The following PHLPP1 variants were observed in gnomAD, a reference collection of about 807,000 sequenced individuals.
PHLPP1 encodes the protein PH domain leucine-rich repeat-containing protein phosphatase 1.
In PHLPP1, 42 loss-of-function variants were observed where a neutral mutation model predicts 117.2. That is an observed-to-expected ratio of 0.36 (90% confidence interval 0.28 to 0.46). The LOEUF (loss-of-function observed/expected upper bound fraction) is 0.46. PHLPP1 is among the 20% of genes least tolerant of loss of function. The pLI, the probability that PHLPP1 is intolerant of heterozygous loss-of-function variation, is 1.00. For missense variants in PHLPP1, 2,084 were observed against 2,241.9 expected (o/e 0.93, Z 1.42); for synonymous variants, 1,042 against 970.7 (o/e 1.07, Z -1.37).
At chr18:62,941,578 GA>G (rs2144453105) in intron 10 of PHLPP1, 139 bp from the exon 11 acceptor site, 1 of 623,434 alleles carries the variant, frequency 1.6e-6, no homozygotes, top group South Asian at 2.1e-5. Flanking sequence ...CTTGCTAATT[GA>G]ACTCCTTGAA....
At chr18:62,720,060 T>G (rs190565237) in intron 1 of PHLPP1, among the ~76,000 whole-genome samples, 1 of 152,332 alleles carries the variant, frequency 6.6e-6, no homozygotes, top group East Asian at 1.9e-4. Flanking sequence ...ACCATTCTCT[T>G]AGCTGACTTA....
At chr18:62,915,535 G>A (rs1246130674) in intron 9 of PHLPP1, among the ~76,000 whole-genome samples, 1 of 152,084 alleles carries the variant, frequency 6.6e-6, no homozygotes, top group Non-Finnish European at 1.5e-5. Flanking sequence ...TCTTAAATAT[G>A]TTCTTATTTT....
intron 1 of PHLPP1, among the ~76,000 whole-genome samples, chr18:62,757,214 A>G (rs1472011496): frequency 1.3e-5 from 2 of 152,250 alleles, no homozygotes. Context: ...TTATAGAACG[A>G]CTACTGAAAC....
intron 3 of PHLPP1, among the ~76,000 whole-genome samples, chr18:62,858,699 C>T (rs568615215): frequency 2.1e-4 from 32 of 152,132 alleles, no homozygotes; most frequent in Admixed American, 1.2e-3. Context: ...GGGAGGCTGA[C>T]GTGAGAGGAT....
chr18:62,799,225 A>T (rs967487705), intron 1 of PHLPP1, among the ~76,000 whole-genome samples: 7 of 152,192 alleles, frequency 4.6e-5, no homozygotes, highest in African/African-American at 1.7e-4. Context: ...AAAGGATACT[A>T]AAAATAACAT....
At chr18:62,721,299 T>C (rs1910908410) in intron 1 of PHLPP1, among the ~76,000 whole-genome samples, 1 of 152,148 alleles carries the variant, frequency 6.6e-6, no homozygotes, top group Non-Finnish European at 1.5e-5. Context: ...TAAGTTGATA[T>C]GAATTAAAGT....
intron 4 of PHLPP1, among the ~76,000 whole-genome samples, chr18:62,881,953 A>G (rs139859863): frequency 2.4e-4 from 36 of 152,298 alleles, no homozygotes; most frequent in African/African-American, 7.7e-4. Flanking sequence ...CAATGAGCCA[A>G]ATGTTTCTCA....
intron 1 of PHLPP1, among the ~76,000 whole-genome samples, chr18:62,748,358 C>T (rs1470927369): frequency 6.6e-6 from 1 of 152,014 alleles, no homozygotes; most frequent in Non-Finnish European, 1.5e-5. Flanking sequence ...GATCCTCCCA[C>T]CTCAGCCTCC....
intron 1 of PHLPP1, among the ~76,000 whole-genome samples, chr18:62,792,899 G>A (rs984294336): frequency 1.1e-4 from 15 of 140,896 alleles, no homozygotes; most frequent in South Asian, 4.7e-4. Context: ...AAAAGGTCAC[G>A]CACAGTGGCG....
intron 1 of PHLPP1, among the ~76,000 whole-genome samples, chr18:62,805,559 C>T (rs1913926219): frequency 6.6e-6 from 1 of 152,040 alleles, no homozygotes; most frequent in Non-Finnish European, 1.5e-5. Context: ...GAGAGTCTTG[C>T]CATGTTGCTC....
At chr18:62,742,587 C>T (rs193050353) in intron 1 of PHLPP1, among the ~76,000 whole-genome samples, 2 of 152,312 alleles carry the variant, frequency 1.3e-5, no homozygotes, top group African/African-American at 2.4e-5. Context: ...AGGTGCCCAC[C>T]GCCATGCCTG....
intron 13 of PHLPP1, among the ~76,000 whole-genome samples, chr18:62,959,157 G>T (rs146241048): frequency 1.3e-5 from 2 of 152,288 alleles, no homozygotes; most frequent in African/African-American, 4.8e-5. Flanking sequence ...ATTGATAAAA[G>T]AATTAGTGGT....
chr18:62,860,653 A>C, intron 4 of PHLPP1, 52 bp downstream of exon 4: 1 of 1,408,506 alleles, frequency 7.1e-7, no homozygotes, highest in Non-Finnish European at 9.8e-7. Context: ...GGCAGAATGA[A>C]CTTCTGCTTG....
chr18:62,764,545 A>T (rs1165483041), intron 1 of PHLPP1, among the ~76,000 whole-genome samples: 1 of 152,034 alleles, frequency 6.6e-6, no homozygotes, highest in African/African-American at 2.4e-5. Flanking sequence ...TGAGGTCAGG[A>T]GTTCGAGATC....
At chr18:62,779,730 A>T (rs2144277093) in intron 1 of PHLPP1, among the ~76,000 whole-genome samples, 1 of 152,262 alleles carries the variant, frequency 6.6e-6, no homozygotes, top group Admixed American at 6.5e-5. Flanking sequence ...TCGGGTCATG[A>T]TTTCTCATCA....
intron 11 of PHLPP1, among the ~76,000 whole-genome samples, chr18:62,942,911 A>G (rs111233529): frequency 4.8e-4 from 73 of 152,282 alleles, no homozygotes; most frequent in African/African-American, 1.6e-3. Flanking sequence ...GTGTAATGAA[A>G]TATTTACTTT....
At chr18:62,879,404 A>ATGTGTGTGTG (rs61701836) in intron 4 of PHLPP1, among the ~76,000 whole-genome samples, 12 of 145,840 alleles carry the variant, frequency 8.2e-5, no homozygotes, top group African/African-American at 2.8e-4. Flanking sequence ...TATTCTGGAT[A>ATGTGTGTGTG]TGTGTGTGTG....
At chr18:62,880,396 C>A (rs992987066) in intron 4 of PHLPP1, among the ~76,000 whole-genome samples, 1 of 152,028 alleles carries the variant, frequency 6.6e-6, no homozygotes, top group African/African-American at 2.4e-5. Flanking sequence ...TTTTATATAT[C>A]TTTATGTGAC....
chr18:62,720,423 A>G (rs898327913), intron 1 of PHLPP1, among the ~76,000 whole-genome samples: 2 of 152,302 alleles, frequency 1.3e-5, no homozygotes, highest in African/African-American at 4.8e-5. Flanking sequence ...GTACCTAGTG[A>G]ATCTCGGACA....
Sources: gnomAD v4.1 joint callset for allele counts (sites outside exome capture counted in the v4.1 genomes callset) on GRCh38, gnomAD v4.1.1 for gene constraint, MANE v1.5 for transcripts, NCBI Gene and HGNC (gene_info 2026-07-23, HGNC 2026-07-21) for gene names.